ROBO2: variants seen among roughly 807,000 people sequenced by gnomAD.
ROBO2 encodes roundabout homolog 2.
A neutral mutation model predicts 160.8 loss-of-function variants in ROBO2; 53 were observed. That is an observed-to-expected ratio of 0.33 (90% CI 0.26 to 0.41). The LOEUF is 0.41. Ranked by LOEUF, ROBO2 falls within the 10% of genes least tolerant of loss-of-function variation. The pLI, the probability that ROBO2 is intolerant of heterozygous loss-of-function variation, is 1.00. For synonymous variants in ROBO2, 664 were observed against 611.7 expected, an observed-to-expected ratio of 1.09 and a Z score of -1.26; for missense variants, 1,577 against 1,722.4, an observed-to-expected ratio of 0.92 and a Z score of 1.49.
intron 2 of ROBO2, among the ~76,000 whole-genome samples, chr3:76,670,874 T>C (rs1233895024): frequency 4.6e-5 from 7 of 151,924 alleles, no homozygotes; most frequent in Non-Finnish European, 1.0e-4. Context: ...TTTTTAAAAT[T>C]GGTCATTTTG....
intron 2 of ROBO2, among the ~76,000 whole-genome samples, chr3:76,948,902 A>ATTTTT (rs2078764231): frequency 2.3e-5 from 1 of 42,838 alleles, no homozygotes; most frequent in African/African-American, 1.5e-4. Flanking sequence ...ATATATATAT[A>ATTTTT]TATATATTTT....
chr3:77,325,311 C>T (rs183959495), intron 2 of ROBO2, among the ~76,000 whole-genome samples: 1 of 152,292 alleles, frequency 6.6e-6, no homozygotes, highest in East Asian at 1.9e-4. Flanking sequence ...CTCTGAGAGC[C>T]ACCTTAGCTG....
chr3:77,481,073 C>G, intron 3 of ROBO2, 26 bp from the exon 4 acceptor site: 2 of 1,595,400 alleles, frequency 1.3e-6, no homozygotes, highest in Non-Finnish European at 1.7e-6. Context: ...CTTCCCTTCT[C>G]TTTTCTTTTT....
At chr3:76,131,636 A>C (rs1559577427) in intron 2 of ROBO2, among the ~76,000 whole-genome samples, 1 of 152,144 alleles carries the variant, frequency 6.6e-6, no homozygotes, top group Non-Finnish European at 1.5e-5. Flanking sequence ...TCAGTCTGAA[A>C]GAGAATACAA....
chr3:76,335,264 C>T (rs745613203), intron 2 of ROBO2, among the ~76,000 whole-genome samples: 2 of 148,398 alleles, frequency 1.3e-5, no homozygotes, highest in Non-Finnish European at 3.0e-5. Context: ...TCACGGCAAC[C>T]TCCACTCCTG....
At chr3:77,098,425 C>T in intron 2 of ROBO2, 85 bp downstream of exon 2, 1 of 1,344,734 alleles carries the variant, frequency 7.4e-7, no homozygotes, top group Non-Finnish European at 1.1e-6. Flanking sequence ...GACGCTGAAA[C>T]CTAAAGAATC....
chr3:76,782,515 T>C (rs28876731), intron 2 of ROBO2, among the ~76,000 whole-genome samples: 1,552 of 150,984 alleles, frequency 0.01, 22 homozygotes, highest in African/African-American at 0.035. Flanking sequence ...TGCTATTTCC[T>C]TCTTCAGTTC....
intron 2 of ROBO2, among the ~76,000 whole-genome samples, chr3:76,074,517 G>GTC (rs2068579860): frequency 6.6e-6 from 1 of 152,168 alleles, no homozygotes; most frequent in African/African-American, 2.4e-5. Context: ...TAAGAAATGG[G>GTC]TAAAGAGATG....
At chr3:76,475,356 G>C (rs373483377) in intron 2 of ROBO2, among the ~76,000 whole-genome samples, 2 of 152,092 alleles carry the variant, frequency 1.3e-5, no homozygotes, top group African/African-American at 4.8e-5. Context: ...GAAGTGGAAG[G>C]AGAGACAATG....
chr3:76,435,503 A>G (rs2076632964), intron 2 of ROBO2: 20 of 654,522 alleles, frequency 3.1e-5, no homozygotes, highest in Non-Finnish European at 1.4e-5. Context: ...TCTTTTCGCG[A>G]TTTCCTCTAC....
At chr3:77,392,643 A>T (rs1185105437) in intron 2 of ROBO2, among the ~76,000 whole-genome samples, 1 of 152,220 alleles carries the variant, frequency 6.6e-6, no homozygotes, top group East Asian at 1.9e-4. Context: ...ATTATTAATA[A>T]AGTGAAATCC....
At chr3:76,068,750 T>C (rs2068345592) in intron 2 of ROBO2, among the ~76,000 whole-genome samples, 1 of 152,170 alleles carries the variant, frequency 6.6e-6, no homozygotes, top group Admixed American at 6.6e-5. Context: ...TTTTAAAGAT[T>C]CCACCCCAAT....
chr3:76,540,497 T>G (rs2082755215), intron 2 of ROBO2, among the ~76,000 whole-genome samples: 1 of 152,172 alleles, frequency 6.6e-6, no homozygotes, highest in Non-Finnish European at 1.5e-5. Flanking sequence ...GCAGAAATAC[T>G]AGGACATACA....
At chr3:77,415,257 G>T (rs2077120566) in intron 2 of ROBO2, among the ~76,000 whole-genome samples, 2 of 152,182 alleles carry the variant, frequency 1.3e-5, no homozygotes, top group African/African-American at 2.4e-5. Context: ...TGAAATAGAA[G>T]AAGAGACAGG....
intron 2 of ROBO2, among the ~76,000 whole-genome samples, chr3:76,388,302 T>C (rs1025295540): frequency 2.6e-5 from 4 of 151,932 alleles, no homozygotes; most frequent in African/African-American, 7.2e-5. Flanking sequence ...GACGGAGTCT[T>C]GCTCTGTCGC....
chr3:76,043,887 G>C (rs1052581696), intron 2 of ROBO2, among the ~76,000 whole-genome samples: 22 of 151,952 alleles, frequency 1.4e-4, no homozygotes, highest in African/African-American at 5.3e-4. Context: ...GCCCTGCTGT[G>C]CTTCCCCTCC....
chr3:75,983,672 C>T (rs1412583451), intron 2 of ROBO2, among the ~76,000 whole-genome samples: 2 of 151,138 alleles, frequency 1.3e-5, no homozygotes, highest in African/African-American at 4.8e-5. Flanking sequence ...AGATCCTGAC[C>T]AGTCTCAGTG....
At chr3:76,485,897 A>G (rs1375467792) in intron 2 of ROBO2, among the ~76,000 whole-genome samples, 2 of 152,212 alleles carry the variant, frequency 1.3e-5, no homozygotes. Flanking sequence ...CTTGCTCACC[A>G]TTCTAAACTC....
chr3:76,630,600 A>G (rs767056419), intron 2 of ROBO2, among the ~76,000 whole-genome samples: 1 of 152,156 alleles, frequency 6.6e-6, no homozygotes, highest in African/African-American at 2.4e-5. Context: ...AGTTTCTAAG[A>G]ACCTATGGAT....
Sources: gnomAD v4.1 joint callset for allele counts (sites outside exome capture counted in the v4.1 genomes callset) on GRCh38, gnomAD v4.1.1 for gene constraint, MANE v1.5 for transcripts, NCBI Gene and HGNC (gene_info 2026-07-23, HGNC 2026-07-21) for gene names.